ANO10: variants seen among roughly 807,000 people sequenced by gnomAD.
The protein encoded by ANO10 is anoctamin 10.
A neutral mutation model predicts 74.7 loss-of-function variants in ANO10; 77 were observed. The ratio of observed to expected loss-of-function variants is 1.03; its 90% CI spans 0.86 to 1.25. ANO10 has a LOEUF of 1.25. Ranked by LOEUF, ANO10 falls within the 50% of genes most tolerant of loss-of-function variation. ANO10 has a pLI of 0.00. For missense variants in ANO10, 721 were observed against 778.1 expected, an observed-to-expected ratio of 0.93 and a Z score of 0.87; for synonymous variants, 279 against 284.9, an observed-to-expected ratio of 0.98 and a Z score of 0.21.
intron 12 of ANO10, among the ~76,000 whole-genome samples, chr3:43,390,134 A>G (rs1038689910): frequency 3.9e-5 from 6 of 152,238 alleles, no homozygotes; most frequent in African/African-American, 1.4e-4. Context: ...CACCTATGGT[A>G]TTTAAAATGT....
upstream of ANO10, among the ~76,000 whole-genome samples, chr3:43,622,271 G>A (rs572370005): frequency 2.0e-3 from 299 of 152,332 alleles, no homozygotes; most frequent in Non-Finnish European, 3.9e-3. Context: ...CGGGAGAAAG[G>A]GAGGGGCGTG....
At chr3:43,380,520 A>T (rs1390291083) in intron 12 of ANO10, among the ~76,000 whole-genome samples, 1 of 152,220 alleles carries the variant, frequency 6.6e-6, no homozygotes, top group African/African-American at 2.4e-5. Flanking sequence ...ACAAGCTAGA[A>T]GGGATTGGGG....
chr3:43,406,460 TC>T, intron 12 of ANO10, among the ~76,000 whole-genome samples: 1 of 152,294 alleles, frequency 6.6e-6, no homozygotes, highest in East Asian at 1.9e-4. Context: ...AAATAAGCCA[TC>T]ATCACCTATT....
At chr3:43,575,592 T>C (rs1313045986) in intron 6 of ANO10, among the ~76,000 whole-genome samples, 2 of 152,212 alleles carry the variant, frequency 1.3e-5, no homozygotes, top group Non-Finnish European at 2.9e-5. Context: ...AAGTACTTGA[T>C]AAATGACAGC....
chr3:43,549,374 G>A (rs936361861), intron 11 of ANO10, among the ~76,000 whole-genome samples: 1 of 152,040 alleles, frequency 6.6e-6, no homozygotes, highest in Non-Finnish European at 1.5e-5. Context: ...TGAACTCCTG[G>A]CCTTATGTCA....
rs371985258 is a variant in ANO10 at position 43,469,038 on chromosome 3, C to CTTTTTT, written c.1798-36317_1798-36312dup. 9.8e-4 allele frequency among the ~76,000 whole-genome samples: 69 copies of CTTTTTT among 70,356 alleles called. 3 individuals are homozygous for CTTTTTT. Among genetic ancestry groups the CTTTTTT allele is most frequent in the Non-Finnish European group, 1.1e-3 (43 of 40,912 alleles). The allele number at this position is 70,356 out of a possible 152,430, so 46.2% of individuals were successfully genotyped here. On this transcript the variant is annotated intron_variant, in intron 11 of 12. Transcript: ENST00000292246. The stretch of plus-strand genomic sequence containing the variant: ...TTTTCAATCCTACATCAATTAGCTG[C>CTTTTTT]TTTTTTTTTTTTTTTTTTTTTTGAG...
At chr3:43,519,372 T>A (rs993502234) in intron 11 of ANO10, among the ~76,000 whole-genome samples, 1 of 152,160 alleles carries the variant, frequency 6.6e-6, no homozygotes, top group Non-Finnish European at 1.5e-5. Context: ...GCACACTACT[T>A]CTTTTTCAAT....
chr3:43,549,131 C>G (rs2079333077), intron 11 of ANO10, among the ~76,000 whole-genome samples: 1 of 151,056 alleles, frequency 6.6e-6, no homozygotes. Context: ...GGGACAGTGT[C>G]TCGCTCTGTT....
intron 11 of ANO10, among the ~76,000 whole-genome samples, chr3:43,487,389 C>G (rs1478543979): frequency 1.3e-5 from 2 of 152,048 alleles, no homozygotes; most frequent in Non-Finnish European, 2.9e-5. Context: ...GTACCAGTTC[C>G]TCCTTGTACT....
intron 11 of ANO10, among the ~76,000 whole-genome samples, chr3:43,490,150 A>G (rs1054720823): frequency 6.6e-6 from 1 of 152,228 alleles, no homozygotes; most frequent in Non-Finnish European, 1.5e-5. Context: ...CACTCAGCTT[A>G]TAGGAGACAG....
chr3:43,560,269 C>T (rs2079963925), intron 9 of ANO10, among the ~76,000 whole-genome samples: 2 of 152,182 alleles, frequency 1.3e-5, no homozygotes, highest in African/African-American at 4.8e-5. Flanking sequence ...CTCTGGGCTA[C>T]AAACACCTGG....
chr3:43,521,579 C>T (rs2077959342), intron 11 of ANO10, among the ~76,000 whole-genome samples: 1 of 152,098 alleles, frequency 6.6e-6, no homozygotes. Flanking sequence ...AAATGCAAAT[C>T]AAAACCACAA....
intron 1 of ANO10, among the ~76,000 whole-genome samples, chr3:43,640,791 T>C (rs2083663704): frequency 6.6e-6 from 1 of 152,242 alleles, no homozygotes; most frequent in Non-Finnish European, 1.5e-5. Flanking sequence ...TGGTTTTCAA[T>C]AAGATTTCAT....
intron 1 of ANO10, among the ~76,000 whole-genome samples, chr3:43,677,846 A>G: frequency 6.6e-6 from 1 of 152,236 alleles, no homozygotes. Flanking sequence ...CTCTGGAGCA[A>G]CAGATTCTTA....
Position 43,642,823 on chromosome 3 carries a change from G to A in ANO10, c.-11-36960C>T, listed in dbSNP as rs542449169. On this transcript the variant is annotated intron_variant, in intron 1 of 3. Transcript: ENST00000413397. ...TTTTTAAATCTAAAAATATATTCTG[G>A]AGATTGTTTCAATTCACAGACATTT... Among the ~76,000 whole-genome samples, 347 of 150,956 alleles carry A rather than the reference G, an allele frequency of 2.3e-3. 2 individuals are homozygous for A. Among genetic ancestry groups the A allele is most frequent in the Non-Finnish European group, 3.4e-3 (228 of 67,948 alleles).
intron 12 of ANO10, among the ~76,000 whole-genome samples, chr3:43,392,151 CT>C (rs2092288655): frequency 6.6e-6 from 1 of 150,800 alleles, no homozygotes; most frequent in Non-Finnish European, 1.5e-5. Flanking sequence ...TCAACTGAAT[CT>C]TTCTCACTGA....
intron 11 of ANO10, among the ~76,000 whole-genome samples, chr3:43,448,522 TA>T (rs949758127): frequency 6.6e-6 from 1 of 152,236 alleles, no homozygotes; most frequent in Admixed American, 6.5e-5. Context: ...CATGGCTTGA[TA>T]GCTCATTTCT....
chr3:43,389,524 G>A (rs984068844), intron 12 of ANO10, among the ~76,000 whole-genome samples: 2 of 152,156 alleles, frequency 1.3e-5, no homozygotes, highest in Non-Finnish European at 2.9e-5. Flanking sequence ...CAATATTTCC[G>A]TAAGTCATTT....
intron 1 of ANO10, among the ~76,000 whole-genome samples, chr3:43,663,957 C>T (rs553846524): frequency 6.6e-6 from 1 of 152,274 alleles, no homozygotes; most frequent in African/African-American, 2.4e-5. Flanking sequence ...CCTTACTGCC[C>T]AAAGTAATTT....
Sources: gnomAD v4.1 joint callset for allele counts (sites outside exome capture counted in the v4.1 genomes callset) on GRCh38, gnomAD v4.1.1 for gene constraint, MANE v1.5 for transcripts, NCBI Gene and HGNC (gene_info 2026-07-23, HGNC 2026-07-21) for gene names.